The following SGCG variants were observed in gnomAD, a reference collection of about 807,000 sequenced individuals.
The protein encoded by SGCG is sarcoglycan gamma.
A neutral mutation model predicts 29.3 loss-of-function variants in SGCG; 26 were observed. The observed-to-expected ratio is 0.89, with a 90% CI of 0.65 to 1.23. The LOEUF is 1.23. Among genes scored for constraint, SGCG ranks in the 50% most tolerant of loss-of-function variants. The pLI, the probability that SGCG is intolerant of heterozygous loss-of-function variation, is 0.00. For missense variants in SGCG, 353 were observed against 356.0 expected (o/e 0.99, Z 0.07); for synonymous variants, 145 against 129.7 (o/e 1.12, Z -0.80).
At chr13:23,200,022 C>T (rs533640857) in intron 1 of SGCG, among the ~76,000 whole-genome samples, 4 of 152,278 alleles carry the variant, frequency 2.6e-5, no homozygotes, top group Middle Eastern at 3.4e-3. Context: ...TCACACTAAA[C>T]GTACTCTGTT....
At chr13:23,205,392 C>CCTGCTG (rs1877946928) in intron 2 of SGCG, among the ~76,000 whole-genome samples, 1 of 152,142 alleles carries the variant, frequency 6.6e-6, no homozygotes, top group Admixed American at 6.5e-5. Context: ...CCTGCATCAG[C>CCTGCTG]CTGCTGTAGG....
intron 1 of SGCG, among the ~76,000 whole-genome samples, chr13:23,182,908 A>G (rs1171578004): frequency 6.6e-6 from 1 of 152,200 alleles, no homozygotes; most frequent in Non-Finnish European, 1.5e-5. Flanking sequence ...ACTGCAGTTG[A>G]CATGGAGAAT....
chr13:23,227,328 A>C (rs75132048), intron 2 of SGCG, among the ~76,000 whole-genome samples: 2 of 82,742 alleles, frequency 2.4e-5, no homozygotes, highest in Non-Finnish European at 4.9e-5. Context: ...AAAAAAAAAA[A>C]ACAAAAACCT....
chr13:23,287,108 G>A (rs775585292), intron 5 of SGCG, among the ~76,000 whole-genome samples: 3 of 152,176 alleles, frequency 2.0e-5, no homozygotes, highest in African/African-American at 2.4e-5. Context: ...CAGTGTGGAT[G>A]GAATCTGTAA....
Position 23,212,786 on chromosome 13 carries a change from C to A in SGCG, c.195+8897C>A, listed in dbSNP as rs555868748. On this transcript the variant is annotated intron_variant, in intron 2 of 7. Coordinates refer to ENST00000218867, the MANE Select transcript of SGCG (RefSeq NM_000231.3). ...CTGGTGGATTGGGTCTGGGGAGGGG[C>A]TCCAGCTAAGTCCGTGTTGCAGAGC... Among the ~76,000 whole-genome samples the A allele has an allele frequency of 7.2e-4, 110 of 152,200 alleles. 1 individual carries two copies. The highest frequency in any genetic ancestry group is 2.5e-3 in the African/African-American group (103 of 41,532).
intron 1 of SGCG, among the ~76,000 whole-genome samples, chr13:23,196,480 A>T (rs940046210): frequency 2.6e-5 from 4 of 152,096 alleles, no homozygotes; most frequent in African/African-American, 9.7e-5. Flanking sequence ...ATTTCCCTTA[A>T]TCTTTGAAAA....
At chr13:23,195,586 G>A (rs533222239) in intron 1 of SGCG, among the ~76,000 whole-genome samples, 1 of 152,038 alleles carries the variant, frequency 6.6e-6, no homozygotes, top group Admixed American at 6.6e-5. Flanking sequence ...ATTTTGTAGG[G>A]AACTTTTTAA....
chr13:23,282,547 C>T (rs1196969943), intron 5 of SGCG, among the ~76,000 whole-genome samples: 1 of 152,128 alleles, frequency 6.6e-6, no homozygotes, highest in African/African-American at 2.4e-5. Context: ...ATGTTCTCAT[C>T]GTTTAGCTCC....
At chr13:23,251,564 C>G (rs1024569474) in intron 4 of SGCG, among the ~76,000 whole-genome samples, 1 of 152,060 alleles carries the variant, frequency 6.6e-6, no homozygotes, top group Non-Finnish European at 1.5e-5. Context: ...GGAAGGATTG[C>G]TTGAATCTAG....
intron 2 of SGCG, among the ~76,000 whole-genome samples, chr13:23,228,340 T>C (rs1397506279): frequency 1.3e-5 from 2 of 152,214 alleles, no homozygotes; most frequent in Non-Finnish European, 2.9e-5. Context: ...ATTTGGTGAT[T>C]TGTTGTTTGC....
intron 2 of SGCG, among the ~76,000 whole-genome samples, chr13:23,218,873 T>G (rs1878534789): frequency 6.7e-6 from 1 of 150,092 alleles, no homozygotes; most frequent in South Asian, 2.1e-4. Context: ...ATATTGAGAA[T>G]TCTATGGTGG....
At chr13:23,193,104 A>G (rs984339730) in intron 1 of SGCG, among the ~76,000 whole-genome samples, 1 of 152,198 alleles carries the variant, frequency 6.6e-6, no homozygotes, top group African/African-American at 2.4e-5. Flanking sequence ...TGAGGTCAGG[A>G]GGACAGAGTG....
At chr13:23,221,540 T>C (rs1878656946) in intron 2 of SGCG, among the ~76,000 whole-genome samples, 1 of 152,216 alleles carries the variant, frequency 6.6e-6, no homozygotes, top group Non-Finnish European at 1.5e-5. Context: ...ACAGTTTTCT[T>C]AGGTTCTATG....
chr13:23,295,426 G>T lies in SGCG; in HGVS notation c.517G>T (p.Ala173Ser). Residue 173 changes from alanine (A) to serine (S), a missense_variant, in exon 6 of 8, where the codon GCT becomes TCT. Ala to Ser is a moderately conservative substitution (Grantham distance 99, BLOSUM62 1). Transcript: ENST00000218867. ...DKLRVTGPEG[A>S]LFEHSVETPL... is the part of the protein sequence containing the mutation. ...TGTTTTTTGTTTAGGGCCTGAAGGG[G>T]CTCTTTTTGAACATTCAGTGGAGAC... The T allele has an allele frequency of 6.2e-7, 1 of 1,613,558 alleles. No homozygotes were observed. The highest frequency in any genetic ancestry group is 8.5e-7 in the Non-Finnish European group (1 of 1,179,574).
intron 4 of SGCG, 75 bp downstream of exon 4, chr13:23,250,792 C>A: frequency 2.3e-6 from 2 of 887,816 alleles, no homozygotes; most frequent in South Asian, 1.4e-5. Context: ...ATTGTTTTTT[C>A]TTCTAAAGAA....
At chr13:23,206,707 T>C (rs1877993078) in intron 2 of SGCG, among the ~76,000 whole-genome samples, 1 of 152,156 alleles carries the variant, frequency 6.6e-6, no homozygotes. Flanking sequence ...AGGAAAACAA[T>C]GCCATTTTCA....
At chr13:23,298,875 C>T (rs1160505473) in intron 6 of SGCG, among the ~76,000 whole-genome samples, 2 of 151,916 alleles carry the variant, frequency 1.3e-5, no homozygotes, top group South Asian at 2.1e-4. Flanking sequence ...TTCTAAAAGG[C>T]GGTACTGAGG....
At chr13:23,311,326 ACTT>A (rs1361495316) in intron 6 of SGCG, among the ~76,000 whole-genome samples, 4 of 152,190 alleles carry the variant, frequency 2.6e-5, no homozygotes, top group African/African-American at 7.2e-5. Context: ...GTATCAGTGA[ACTT>A]CTTCAGTTCT....
intron 2 of SGCG, among the ~76,000 whole-genome samples, chr13:23,206,080 A>C (rs539977137): frequency 6.6e-6 from 1 of 152,206 alleles, no homozygotes; most frequent in Admixed American, 6.5e-5. Context: ...GAAACAGTAA[A>C]TTGTAAATTA....
Sources: gnomAD v4.1 joint callset for allele counts (sites outside exome capture counted in the v4.1 genomes callset) on GRCh38, gnomAD v4.1.1 for gene constraint, MANE v1.5 for transcripts, NCBI Gene and HGNC (gene_info 2026-07-23, HGNC 2026-07-21) for gene names.